SDK1: variants seen among roughly 807,000 people sequenced by gnomAD.
SDK1 encodes protein sidekick-1.
Under a neutral mutation model 245.5 loss-of-function variants are expected in SDK1, and 157 were observed. The observed-to-expected ratio is 0.64, with a 90% CI of 0.56 to 0.73. The LOEUF is 0.73. Ranked by LOEUF, SDK1 falls within the 30% of genes least tolerant of loss-of-function variation. The probability of loss-of-function intolerance (pLI) is 0.00; values close to 1 mark genes in which losing one functional copy is unlikely to be tolerated. For missense variants in SDK1, 3,583 were observed against 3,002.3 expected (o/e 1.19, Z -4.52); for synonymous variants, 1,647 against 1,278.5 (o/e 1.29, Z -6.15).
At chr7:4,195,894 C>A (rs905354649) in intron 35 of SDK1, among the ~76,000 whole-genome samples, 3 of 152,128 alleles carry the variant, frequency 2.0e-5, no homozygotes, top group Non-Finnish European at 4.4e-5. Context: ...GTGCCTCCAC[C>A]CACCCCAAAA....
chr7:3,520,060 T>C (rs187839100), intron 1 of SDK1, among the ~76,000 whole-genome samples: 2 of 152,374 alleles, frequency 1.3e-5, no homozygotes, highest in Admixed American at 6.5e-5. Flanking sequence ...AAAGTTGTTC[T>C]TATTAAAGTT....
At chr7:3,512,742 C>T (rs1782623780) in intron 1 of SDK1, among the ~76,000 whole-genome samples, 1 of 152,060 alleles carries the variant, frequency 6.6e-6, no homozygotes, top group Non-Finnish European at 1.5e-5. Flanking sequence ...GTATTATTTC[C>T]TTCCTGTCTT....
At chr7:3,776,277 G>A (rs760052692) in intron 4 of SDK1, among the ~76,000 whole-genome samples, 3 of 152,204 alleles carry the variant, frequency 2.0e-5, no homozygotes, top group Non-Finnish European at 4.4e-5. Context: ...AATCATAGAT[G>A]TGTATGCAAA....
intron 4 of SDK1, among the ~76,000 whole-genome samples, chr7:3,739,080 G>A (rs1779402848): frequency 6.6e-6 from 1 of 151,778 alleles, no homozygotes; most frequent in Non-Finnish European, 1.5e-5. Flanking sequence ...CTAATCCTTG[G>A]TTGACTGTTT....
intron 1 of SDK1, among the ~76,000 whole-genome samples, chr7:3,432,969 A>G (rs547486359): frequency 6.6e-6 from 1 of 152,346 alleles, no homozygotes; most frequent in South Asian, 2.1e-4. Flanking sequence ...GAAGAGAGTG[A>G]CTAGAATCTT....
intron 19 of SDK1, among the ~76,000 whole-genome samples, chr7:4,057,180 G>A (rs527307802): frequency 6.6e-6 from 1 of 152,140 alleles, no homozygotes; most frequent in East Asian, 1.9e-4. Flanking sequence ...AGGAACCTGG[G>A]GGTCACCCCA....
At chr7:3,509,262 GGTT>G (rs779289320) in intron 1 of SDK1, among the ~76,000 whole-genome samples, 1 of 152,224 alleles carries the variant, frequency 6.6e-6, no homozygotes, top group South Asian at 2.1e-4. Context: ...GGGGTCCTCT[GGTT>G]TTTCTGTTTG....
At chr7:3,972,333 C>T (rs1185737891) in intron 12 of SDK1, among the ~76,000 whole-genome samples, 1 of 152,166 alleles carries the variant, frequency 6.6e-6, no homozygotes, top group African/African-American at 2.4e-5. Flanking sequence ...CCTGTCTCGG[C>T]CTCCCAAAGT....
At chr7:3,745,924 A>G (rs1779603713) in intron 4 of SDK1, among the ~76,000 whole-genome samples, 1 of 152,230 alleles carries the variant, frequency 6.6e-6, no homozygotes, top group African/African-American at 2.4e-5. Flanking sequence ...GAAGCCTGCT[A>G]TGTGGGTTTG....
chr7:3,822,788 AG>A (rs1258607923), intron 5 of SDK1, among the ~76,000 whole-genome samples: 1 of 151,744 alleles, frequency 6.6e-6, no homozygotes, highest in African/African-American at 2.4e-5. Context: ...AAAAAAAAAA[AG>A]AAAAGTATGT....
At chr7:3,470,661 G>T (rs561532057) in intron 1 of SDK1, among the ~76,000 whole-genome samples, 3 of 152,238 alleles carry the variant, frequency 2.0e-5, no homozygotes, top group African/African-American at 7.2e-5. Context: ...AAGAGTTATA[G>T]TCTGATTTCT....
chr7:3,308,065 C>A lies in SDK1; in HGVS notation c.298+6181C>A, dbSNP rs113148932. 3.3e-4 allele frequency among the ~76,000 whole-genome samples: 51 copies of A among 152,248 alleles called. 3 individuals carry two copies. The highest frequency in any genetic ancestry group is 9.4e-4 in the African/African-American group (39 of 41,566). ...TTTCTCCTTAGGTGCTGCCGTCTAA[C>A]ACATGATATATTTACTCTAGCCTAA... On this transcript the variant is annotated intron_variant, in intron 1 of 44. Transcript: ENST00000404826.
chr7:3,858,060 G>A (rs1780589823), intron 5 of SDK1, among the ~76,000 whole-genome samples: 1 of 152,120 alleles, frequency 6.6e-6, no homozygotes, highest in African/African-American at 2.4e-5. Context: ...AGATGATTCT[G>A]AAGTTAATAT....
intron 5 of SDK1, among the ~76,000 whole-genome samples, chr7:3,937,868 C>G (rs920298347): frequency 6.6e-6 from 1 of 152,040 alleles, no homozygotes; most frequent in South Asian, 2.1e-4. Context: ...GACAGAGTCT[C>G]ACTCTGTCGC....
chr7:4,059,390 G>A (rs1259162688), intron 19 of SDK1, among the ~76,000 whole-genome samples: 1 of 152,130 alleles, frequency 6.6e-6, no homozygotes, highest in Non-Finnish European at 1.5e-5. Flanking sequence ...TCAACAAGAG[G>A]ATATAACAAT....
chr7:4,178,003 G>A (rs865999360), intron 34 of SDK1, among the ~76,000 whole-genome samples: 11 of 149,832 alleles, frequency 7.3e-5, no homozygotes, highest in Admixed American at 4.7e-4. Context: ...CCTCGCACGC[G>A]CAGTTCCCAA....
chr7:3,394,087 T>C lies in SDK1; in HGVS notation c.298+92203T>C, dbSNP rs187554078. Among the ~76,000 whole-genome samples the C allele has an allele frequency of 9.3e-4, 141 of 151,892 alleles. 1 individual carries two copies. Among genetic ancestry groups the C allele is most frequent in the African/African-American group, 3.3e-3 (139 of 41,550 alleles). On this transcript the variant is annotated intron_variant, in intron 1 of 44. Coordinates refer to ENST00000404826, the MANE Select transcript of SDK1 (RefSeq NM_152744.4). Reference sequence around the variant, plus strand: ...GGTTCTTGCAGACTTCTATAGGTACTGTCTTGGTAGTCTTGGATAAGATCC... The same window carrying C: ...GGTTCTTGCAGACTTCTATAGGTACCGTCTTGGTAGTCTTGGATAAGATCC...
chr7:3,675,160 A>C (rs1583295857), intron 4 of SDK1, among the ~76,000 whole-genome samples: 1 of 152,132 alleles, frequency 6.6e-6, no homozygotes, highest in African/African-American at 2.4e-5. Flanking sequence ...CCCATAGTCT[A>C]TATCATATCA....
intron 22 of SDK1, among the ~76,000 whole-genome samples, chr7:4,084,848 C>T (rs1258358923): frequency 1.3e-5 from 2 of 151,934 alleles, no homozygotes; most frequent in African/African-American, 2.4e-5. Flanking sequence ...CTGCAACCTC[C>T]GCCTCCTGGG....
Sources: allele counts gnomAD v4.1 joint callset (sites outside exome capture counted in the v4.1 genomes callset), GRCh38; gene constraint gnomAD v4.1.1; transcripts MANE v1.5; gene names NCBI Gene and HGNC (gene_info 2026-07-23, HGNC 2026-07-21).